Variants in ZNF347 observed in about 807,000 individuals in gnomAD.
ZNF347 encodes the protein CTD-2620I22.7.
ZNF347 carries 19 observed loss-of-function variants against 12.9 expected under a neutral mutation model. The observed-to-expected ratio is 1.47, with a 90% CI of 1.03 to 2.16. The LOEUF (loss-of-function observed/expected upper bound fraction) is 2.16, where lower values mean the gene tolerates loss of function less well. ZNF347 is among the 30% of genes most tolerant of loss of function. The pLI, the probability that ZNF347 is intolerant of heterozygous loss-of-function variation, is 0.00. For missense variants in ZNF347, 1,005 were observed against 990.6 expected (o/e 1.01, Z -0.19); for synonymous variants, 328 against 340.6 (o/e 0.96, Z 0.41).
chr19:53,141,720 C>G lies in ZNF347; in HGVS notation c.1108G>C (p.Glu370Gln). ...CACTCATTACACTTGTAAGGTTTCT[C>G]TCCAGTATGAATTCCTCGATGTCTT... Reference protein sequence around the residue: ...LVRHRGIHTGEKPYKCNECGK... With the variant: ...LVRHRGIHTGQKPYKCNECGK... Residue 370 changes from glutamate to glutamine, a missense_variant, in exon 5 of 5, where the codon GAG becomes CAG. Glu to Gln is a conservative substitution (Grantham distance 29). Transcript: ENST00000334197. 6.2e-7 allele frequency: 1 copy of G among 1,613,998 alleles called. No individual in the cohort carries two copies.
At chr19:53,145,801 C>G (rs2090459119) in intron 4 of ZNF347, among the ~76,000 whole-genome samples, 2 of 151,832 alleles carry the variant, frequency 1.3e-5, no homozygotes, top group South Asian at 2.1e-4. Flanking sequence ...ATCAAAAAAA[C>G]AGTAAGTCAA....
intron 1 of ZNF347, among the ~76,000 whole-genome samples, chr19:53,154,970 T>G (rs1169999059): frequency 1.3e-5 from 2 of 151,816 alleles, no homozygotes; most frequent in East Asian, 3.9e-4. Context: ...GAAGTCTCAC[T>G]CTTGTCACCC....
chr19:53,149,737 TGTAAGCAATC>T lies in ZNF347; in HGVS notation c.16-380_16-371del, dbSNP rs2090485892. Among the ~76,000 whole-genome samples the T allele has an allele frequency of 2.0e-5, 3 of 152,076 alleles. No individual in the cohort carries two copies. In the South Asian group the frequency reaches 6.2e-4, roughly 32 times the overall value. On this transcript the variant is annotated intron_variant, in intron 2 of 4. Transcript: ENST00000334197. ...TCGGCTGATCACCAGTAGCCAAAGA[TGTAAGCAATC>T]GTGCCCACTTAATGAAGCCCCCATA... is the stretch of plus-strand genomic sequence containing the variant.
intron 4 of ZNF347, among the ~76,000 whole-genome samples, chr19:53,148,245 AT>A (rs2090475279): frequency 6.6e-6 from 1 of 152,218 alleles, no homozygotes; most frequent in Non-Finnish European, 1.5e-5. Context: ...ATGATTTTAT[AT>A]TTAGAAAAAC....
Position 53,140,736 on chromosome 19 carries a change from T to C in ZNF347, c.2092A>G (p.Arg698Gly). The change falls in exon 5 of 5, where the codon AGG (arginine) becomes GGG (glycine). Residue 698 changes from arginine to glycine, a missense_variant. Arg to Gly is a moderately radical substitution (Grantham distance 125). Coordinates refer to ENST00000334197, the MANE Select transcript of ZNF347 (RefSeq NM_032584.3). The stretch of plus-strand genomic sequence containing the variant: ...TCTCCAGTATGAACTCTCTGATGCC[T>C]TGCAAGCTTTGATGTTTGACTAAAG... ...KAFSQTSKLA[R>G]HQRVHTGEKP... The C allele has an allele frequency of 1.9e-6, 3 of 1,612,854 alleles. No individual in the cohort carries two copies. The highest frequency in any genetic ancestry group is 2.5e-6 in the Non-Finnish European group (3 of 1,179,340).
Position 53,142,120 on chromosome 19 carries a change from C to T in ZNF347, c.708G>A (p.Lys236=), listed in dbSNP as rs761031206. The part of the protein sequence containing the change: ...MPYNVKTHIS[K]KYLKDFISSL... ...AAGAGATAAAATCTTTGAGATATTT[C>T]TTAGAAATGTGGGTTTTGACATTAT... Residue 236 remains lysine, a synonymous_variant, in exon 5 of 5, where the codon AAG becomes AAA. Transcript: ENST00000334197. 1.2e-6 allele frequency: 2 copies of T among 1,612,754 alleles called. No individual in the cohort carries two copies. The highest frequency in any genetic ancestry group is 2.2e-5 in the East Asian group (1 of 44,876).
rs1568636785 is a variant in ZNF347, at chr19:53,141,671, G to C, written c.1157C>G (p.Ser386Ter). ...GGTTGCCTGATGGATAGCTAAGCTTGAACGAGCTCTAAAGGCTTTCCCACA... is the reference window on the plus strand; with the variant it reads ...GGTTGCCTGATGGATAGCTAAGCTTCAACGAGCTCTAAAGGCTTTCCCACA... The part of the protein sequence containing the change: ...NECGKAFRAR[S>*]SLAIHQATHS... The change falls in exon 5 of 5, where the codon TCA becomes TGA. Residue 386 changes from serine to a stop codon, truncating the protein, a stop_gained. Transcript: ENST00000334197. LOFTEE classifies it low-confidence loss of function (END_TRUNC). 3 of 1,614,036 alleles carry C rather than the reference G, an allele frequency of 1.9e-6. No homozygotes were observed. Among genetic ancestry groups the C allele is most frequent in the Non-Finnish European group, 8.5e-7 (1 of 1,179,990 alleles).
rs201994422 is a variant in ZNF347, at chr19:53,149,338, T to C, written c.45A>G (p.Ile15Met). The C allele has an allele frequency of 1.9e-6, 3 of 1,614,008 alleles. No homozygotes were observed. The East Asian group carries it at 6.7e-5, about 36-fold the overall frequency. Reference protein sequence around the residue: ...QGQVTFRDVAIEFSQEEWTCL... With the variant: ...QGQVTFRDVAMEFSQEEWTCL... ...ATGTCCACTCCTCCTGAGAGAATTC[T>C]ATAGCCACATCCCTGAATGTCACCT... Residue 15 changes from isoleucine (I) to methionine (M), a missense_variant, in exon 3 of 5, where the codon ATA becomes ATG. By Grantham distance (10) the Ile-to-Met change is conservative. Transcript: ENST00000334197.
At position 53,140,537 on chromosome 19, in the gene ZNF347, G is replaced by A. The variant is rs774426883; in HGVS notation, c.2291C>T (p.Pro764Leu). 24 of 1,613,916 alleles carry A rather than the reference G, an allele frequency of 1.5e-5. No homozygotes were observed. In the East Asian group the frequency reaches 5.1e-4, roughly 34 times the overall value. ...RHRGIHTGEKPYKCNECGKAF... is the reference protein window; with the variant it reads ...RHRGIHTGEKLYKCNECGKAF... ...TTTGCCACACTCATTACACTTGTAAGGTTTCTCTCCAGTATGAATTCCCCG... is the reference window on the plus strand; with the variant it reads ...TTTGCCACACTCATTACACTTGTAAAGTTTCTCTCCAGTATGAATTCCCCG... Residue 764 changes from proline (P) to leucine (L), a missense_variant, in exon 5 of 5, where the codon CCT (proline) becomes CTT (leucine). Coordinates refer to ENST00000334197, the MANE Select transcript of ZNF347 (RefSeq NM_032584.3).
Position 53,149,132 on chromosome 19 carries a change from C to T in ZNF347, c.142+109G>A, listed in dbSNP as rs1217416157. The T allele has an allele frequency of 5.1e-6, 8 of 1,557,860 alleles. 1 individual carries two copies. In the South Asian group the frequency reaches 7.2e-5, roughly 14 times the overall value. On this transcript the variant is annotated intron_variant, in intron 3 of 4. Coordinates refer to ENST00000334197, the MANE Select transcript of ZNF347 (RefSeq NM_032584.3). ...ATGGAGATTTTCATTTTTCAGTCAACACAGCTTCAGTCTCAGCCAAGCAAT... is the reference window on the plus strand; with the variant it reads ...ATGGAGATTTTCATTTTTCAGTCAATACAGCTTCAGTCTCAGCCAAGCAAT...
rs2090378384 is a variant in ZNF347, at chr19:53,135,249, A to G, written c.*5059T>C. ...ATCTTTTTATGTGCCTATTTATCTC[A>G]GTATAACTGCTTCAGTGAAATGTCT... On this transcript the variant is annotated 3_prime_UTR_variant, in exon 5 of 5. Coordinates refer to ENST00000334197, the MANE Select transcript of ZNF347 (RefSeq NM_032584.3). The G allele has an allele frequency of 6.8e-6, 1 of 147,598 alleles. No homozygotes were observed. The highest frequency in any genetic ancestry group is 1.5e-5 in the Non-Finnish European group (1 of 67,424). 9.1% of individuals were successfully genotyped at this position (147,598 alleles called of 1,614,324 possible).
rs2090407089 is a variant in ZNF347 at position 53,139,652 on chromosome 19, T to C, written c.*656A>G. Reference sequence around the variant, plus strand: ...TCATTTTAAAAGTGAATCAAAGAACTAGAGACTGAGTCACTCTTTGTATGA... The same window carrying C: ...TCATTTTAAAAGTGAATCAAAGAACCAGAGACTGAGTCACTCTTTGTATGA... On this transcript the variant is annotated 3_prime_UTR_variant, in exon 5 of 5. Coordinates refer to ENST00000334197, the MANE Select transcript of ZNF347 (RefSeq NM_032584.3). 6.6e-6 allele frequency: 1 copy of C among 152,218 alleles called. No homozygotes were observed. The highest frequency in any genetic ancestry group is 2.4e-5 in the African/African-American group (1 of 41,458). The allele number at this position is 152,218 out of a possible 1,614,324, so 9.4% of individuals were successfully genotyped here. A position where few individuals can be genotyped will look rare whatever the true frequency, so the allele number is the denominator to read the frequency against.
Position 53,135,296 on chromosome 19 carries a change from CTAAATATATATA to C in ZNF347, c.*5000_*5011del. The C allele has an allele frequency of 1.8e-5, 1 of 56,746 alleles. No homozygotes were observed. The highest frequency in any genetic ancestry group is 7.8e-4 in the South Asian group (1 of 1,274). The allele number at this position is 56,746 out of a possible 1,614,324, so 3.5% of individuals were successfully genotyped here. A position where few individuals can be genotyped will look rare whatever the true frequency, so the allele number is the denominator to read the frequency against. On this transcript the variant is annotated 3_prime_UTR_variant, in exon 5 of 5. Coordinates refer to ENST00000334197, the MANE Select transcript of ZNF347 (RefSeq NM_032584.3). ...GTCTCTTCATAGTTCTACCCATTTT[CTAAATATATATA>C]TATATATATATATATATATATATAT...
rs987785816 is a variant in ZNF347, at chr19:53,142,256, T to C, written c.572A>G (p.His191Arg). ...TTGAAAAAGCTGCAGTTCAGGCAGATGTGACTGAAGGCTTAATCCAAGCTG... is the reference window on the plus strand; with the variant it reads ...TTGAAAAAGCTGCAGTTCAGGCAGACGTGACTGAAGGCTTAATCCAAGCTG... ...KNQLGLSLQS[H>R]LPELQLFQYE... The change falls in exon 5 of 5, where the codon CAT becomes CGT. Residue 191 changes from histidine to arginine, a missense_variant. Transcript: ENST00000334197. 1 of 1,613,710 alleles carries C rather than the reference T, an allele frequency of 6.2e-7. No individual in the cohort carries two copies. Among genetic ancestry groups the C allele is most frequent in the Non-Finnish European group, 8.5e-7 (1 of 1,179,840 alleles).
At chr19:53,153,060 G>C (rs1361994673) in intron 2 of ZNF347, among the ~76,000 whole-genome samples, 1 of 152,164 alleles carries the variant, frequency 6.6e-6, no homozygotes, top group Admixed American at 6.5e-5. Flanking sequence ...GTTGCACAAG[G>C]GTCCCTGCAG....
In ZNF347 at chr19:53,142,507, ACTCTTCCCTTT is replaced by A. The variant is rs1201049030; in HGVS notation, c.310_320del (p.Lys104Ter). 6 of 1,611,198 alleles carry A rather than the reference ACTCTTCCCTTT, an allele frequency of 3.7e-6. No individual in the cohort carries two copies. Reference sequence around the variant, plus strand: ...CTGTTTGGAATACTTCTCCTGTATTACTCTTCCCTTTGTGTAGTAAATCTTTCATTACAAAT... The same window carrying A: ...CTGTTTGGAATACTTCTCCTGTATTAGTGTAGTAAATCTTTCATTACAAAT... On this transcript the variant is annotated frameshift_variant, in exon 5 of 5. Transcript: ENST00000334197. LOFTEE classifies it low-confidence loss of function (END_TRUNC).
chr19:53,154,967 C>G (rs1332418883), intron 1 of ZNF347, among the ~76,000 whole-genome samples: 2 of 150,854 alleles, frequency 1.3e-5, no homozygotes, highest in African/African-American at 4.9e-5. Flanking sequence ...GATGAAGTCT[C>G]ACTCTTGTCA....
intron 1 of ZNF347, among the ~76,000 whole-genome samples, chr19:53,157,157 C>T (rs1465855508): frequency 6.6e-6 from 1 of 152,120 alleles, no homozygotes; most frequent in Non-Finnish European, 1.5e-5. Context: ...GAAGCTATAC[C>T]CTAATACTAA....
rs1423108947 is a variant in ZNF347 at position 53,135,318 on chromosome 19, A to G, written c.*4990T>C. ...TTTCTAAATATATATATATATATAT[A>G]TATATATATATATATATATATAGAG... is the stretch of plus-strand genomic sequence containing the variant. On this transcript the variant is annotated 3_prime_UTR_variant, in exon 5 of 5. Coordinates refer to ENST00000334197, the MANE Select transcript of ZNF347 (RefSeq NM_032584.3). 5.3e-5 allele frequency: 2 copies of G among 37,742 alleles called. No individual in the cohort carries two copies. The highest frequency in any genetic ancestry group is 1.4e-4 in the African/African-American group (2 of 13,914). The allele number at this position is 37,742 out of a possible 1,614,324, so 2.3% of individuals were successfully genotyped here. A position where few individuals can be genotyped will look rare whatever the true frequency, so the allele number is the denominator to read the frequency against.
Sources: allele counts gnomAD v4.1 joint callset (sites outside exome capture counted in the v4.1 genomes callset), GRCh38; gene constraint gnomAD v4.1.1; transcripts MANE v1.5; gene names NCBI Gene and HGNC (gene_info 2026-07-23, HGNC 2026-07-21).